The following COL17A1 variants were observed in gnomAD, a reference collection of about 807,000 sequenced individuals.
COL17A1 encodes collagen type XVII alpha 1 chain.
Under a neutral mutation model 218.4 loss-of-function variants are expected in COL17A1, and 181 were observed. The ratio of observed to expected loss-of-function variants is 0.83; its 90% CI spans 0.73 to 0.94. COL17A1 has a LOEUF of 0.94. Ranked by LOEUF, COL17A1 falls within the 40% of genes least tolerant of loss-of-function variation. COL17A1 has a pLI of 0.00. For synonymous variants in COL17A1, 721 were observed against 731.0 expected, an observed-to-expected ratio of 0.99 and a Z score of 0.22; for missense variants, 1,924 against 1,945.9, an observed-to-expected ratio of 0.99 and a Z score of 0.21.
chr10:104,038,111 G>A (rs1358389387), intron 45 of COL17A1, among the ~76,000 whole-genome samples: 1 of 152,208 alleles, frequency 6.6e-6, no homozygotes, highest in East Asian at 1.9e-4. Flanking sequence ...CCTCCCCAGG[G>A]TGTGGGCGAG....
At chr10:104,037,865 G>A in intron 45 of COL17A1, 92 bp from the exon 46 acceptor site, 16 of 1,497,384 alleles carry the variant, frequency 1.1e-5, no homozygotes, top group Non-Finnish European at 1.5e-5. Flanking sequence ...TAACATGCCT[G>A]CCCCGCCCCA....
At chr10:104,036,173 T>TATGG (rs2086295197) in intron 48 of COL17A1, among the ~76,000 whole-genome samples, 1 of 9,068 alleles carries the variant, frequency 1.1e-4, no homozygotes, top group Non-Finnish European at 3.1e-4. Context: ...TATGGGTGTG[T>TATGG]GTGTATGGAA....
At chr10:104,059,457 G>A (rs533482045) in intron 15 of COL17A1, 181 bp downstream of exon 15, 3 of 651,212 alleles carry the variant, frequency 4.6e-6, no homozygotes, top group South Asian at 3.5e-5. Context: ...TTGTTGAACT[G>A]CAGCTTCTGA....
intron 13 of COL17A1, 78 bp from the exon 14 acceptor site, chr10:104,060,358 A>G (rs1271433088): frequency 6.9e-6 from 11 of 1,583,962 alleles, no homozygotes; most frequent in Non-Finnish European, 6.9e-6. Flanking sequence ...AAGAAGAGGA[A>G]GGAGAAGAAA....
intron 5 of COL17A1, among the ~76,000 whole-genome samples, chr10:104,075,308 T>A (rs1187377234): frequency 6.6e-6 from 1 of 152,170 alleles, no homozygotes; most frequent in Admixed American, 6.5e-5. Flanking sequence ...GGCAAGTGGC[T>A]GTGCTTCAGG....
intron 12 of COL17A1, among the ~76,000 whole-genome samples, chr10:104,061,799 T>C (rs2086585253): frequency 6.6e-6 from 1 of 152,156 alleles, no homozygotes; most frequent in Admixed American, 6.5e-5. Context: ...CGTTGTCTCA[T>C]GTGTGTTAGA....
chr10:104,050,754 C>T, intron 26 of COL17A1, 94 bp downstream of exon 26: 3 of 1,614,088 alleles, frequency 1.9e-6, no homozygotes, highest in Non-Finnish European at 2.5e-6. Context: ...TCAATCCTGA[C>T]TTCTTCTTCC....
At position 104,062,319 on chromosome 10, in the gene COL17A1, C is replaced by T; in HGVS notation, c.849G>A (p.Met283Ile). ...GLSTSSSVFG[M>I]QNNLAPSLTT... Reference sequence around the variant, plus strand: ...TCAAGCTGGGGGCCAGATTGTTCTGCATGCCAAACACTGTGAAAGCAACCA... The same window carrying T: ...TCAAGCTGGGGGCCAGATTGTTCTGTATGCCAAACACTGTGAAAGCAACCA... Residue 283 changes from methionine (M) to isoleucine (I), a missense_variant, in exon 12 of 56, where the codon ATG (methionine) becomes ATA (isoleucine). By Grantham distance (10) the Met-to-Ile change is conservative. Coordinates refer to ENST00000648076, the MANE Select transcript of COL17A1 (RefSeq NM_000494.4). 1 of 1,614,224 alleles carries T rather than the reference C, an allele frequency of 6.2e-7. No homozygotes were observed. The highest frequency in any genetic ancestry group is 8.5e-7 in the Non-Finnish European group (1 of 1,180,048).
chr10:104,047,274 C>T (rs1448949668), intron 31 of COL17A1, among the ~76,000 whole-genome samples: 2 of 152,022 alleles, frequency 1.3e-5, no homozygotes, highest in Non-Finnish European at 2.9e-5. Flanking sequence ...GAGACTCTAA[C>T]AATGGCTTCC....
rs571706258 is a variant in COL17A1 at position 104,071,906 on chromosome 10, TTGCATGCATGTACATACATGTGTG to T, written c.463+102_463+125del. 2.8e-5 allele frequency: 41 copies of T among 1,453,962 alleles called. No homozygotes were observed. In the Admixed American group the frequency reaches 4.9e-4, roughly 17 times the overall value. The allele number at this position is 1,453,962 out of a possible 1,614,324, so 90.1% of individuals were successfully genotyped here. Reference sequence around the variant, plus strand: ...GAAGACCCTTAAAGATGTTTTATGATTGCATGCATGTACATACATGTGTGTGCATGCATGCACACACACACGCAT... The same window carrying T: ...GAAGACCCTTAAAGATGTTTTATGATTGCATGCATGCACACACACACGCAT... On this transcript the variant is annotated intron_variant, in intron 8 of 55. Transcript: ENST00000648076.
At chr10:104,066,225 A>G (rs2086624953) in intron 9 of COL17A1, among the ~76,000 whole-genome samples, 1 of 152,236 alleles carries the variant, frequency 6.6e-6, no homozygotes, top group South Asian at 2.1e-4. Context: ...GCACCAAGAC[A>G]ACCCTAAACA....
chr10:104,043,536 C>T lies in COL17A1; in HGVS notation c.2480G>A (p.Gly827Glu), dbSNP rs1262318651. The change falls in exon 35 of 56, where the codon GGA becomes GAA. Residue 827 changes from glycine to glutamate, a missense_variant. By Grantham distance (98) the Gly-to-Glu change is moderately conservative. Transcript: ENST00000648076. ...TGGAGGTCCTGGGGGTCCCATGGCT[C>T]CAGGAGGTCCTGGGGGGCCTGGGAC... Reference protein sequence around the residue: ...LTVPGPPGPPGAMGPPGPPGA... With the variant: ...LTVPGPPGPPEAMGPPGPPGA... The T allele has an allele frequency of 2.5e-6, 4 of 1,610,770 alleles. No individual in the cohort carries two copies. The highest frequency in any genetic ancestry group is 3.4e-6 in the Non-Finnish European group (4 of 1,179,978).
chr10:104,032,704 G>A lies in COL17A1; in HGVS notation c.4408C>T (p.Arg1470Ter), dbSNP rs756816958. Residue 1470 changes from arginine (R) to a stop codon, truncating the protein, a stop_gained, in exon 55 of 56, where the codon CGA becomes TGA. Coordinates refer to ENST00000648076, the MANE Select transcript of COL17A1 (RefSeq NM_000494.4). LOFTEE classifies it high-confidence loss of function. ...TCTCCTTTTTCTCCCTTGTGTCCTC[G>A]AGGGCCAGGTGGCCCAGGATGACCT... ...PPGHPGPPGPRGHKGEKGDKG... is the reference protein window; with the variant it reads ...PPGHPGPPGP 5 of 1,614,012 alleles carry A rather than the reference G, an allele frequency of 3.1e-6. No homozygotes were observed. The highest frequency in any genetic ancestry group is 2.2e-5 in the East Asian group (1 of 44,896).
At chr10:104,064,384 T>TAG (rs966073385) in intron 10 of COL17A1, 54 bp downstream of exon 10, 1 of 1,612,500 alleles carries the variant, frequency 6.2e-7, no homozygotes, top group African/African-American at 1.3e-5. Flanking sequence ...AGCTCCAGGA[T>TAG]AGAGGCATGC....
At chr10:104,076,867 C>CTTGCT (rs2086715522) in intron 4 of COL17A1, among the ~76,000 whole-genome samples, 4 of 152,064 alleles carry the variant, frequency 2.6e-5, no homozygotes, top group African/African-American at 7.2e-5. Flanking sequence ...TTGTTTTTGC[C>CTTGCT]TTGCTTTGCT....
chr10:104,058,080 C>T (rs983598025), intron 16 of COL17A1, 66 bp downstream of exon 16: 1 of 1,596,890 alleles, frequency 6.3e-7, no homozygotes, highest in African/African-American at 1.3e-5. Context: ...GGACCATCAT[C>T]TGGTCCATTA....
At chr10:104,076,543 C>T in intron 4 of COL17A1, 114 bp from the exon 5 acceptor site, 1 of 1,462,432 alleles carries the variant, frequency 6.8e-7, no homozygotes, top group South Asian at 1.2e-5. Flanking sequence ...TTCGGGAGGG[C>T]ACAGCTGAAA....
chr10:104,036,409 G>T (rs1385227447), intron 48 of COL17A1, 83 bp downstream of exon 48: 2 of 1,579,354 alleles, frequency 1.3e-6, no homozygotes, highest in African/African-American at 1.3e-5. Context: ...GGTCAGTGGG[G>T]CAATCACAGG....
Position 104,072,060 on chromosome 10 carries a change from T to C in COL17A1, c.435A>G (p.Arg145=). 6.2e-7 allele frequency: 1 copy of C among 1,614,066 alleles called. No individual in the cohort carries two copies. The highest frequency in any genetic ancestry group is 8.5e-7 in the Non-Finnish European group (1 of 1,180,014). The stretch of plus-strand genomic sequence containing the variant: ...GGGTGGATGGGGACGCACTCTGCAG[T>C]CGAACTCGAATTTCACTCTCTGTAC... ...SQTRESEIRV[R]LQSASPSTRW... Residue 145 remains arginine, a synonymous_variant, in exon 8 of 56, where the codon CGA becomes CGG. Transcript: ENST00000648076.
Sources: gnomAD v4.1 joint callset for allele counts (sites outside exome capture counted in the v4.1 genomes callset) on GRCh38, gnomAD v4.1.1 for gene constraint, MANE v1.5 for transcripts, NCBI Gene and HGNC (gene_info 2026-07-23, HGNC 2026-07-21) for gene names.